The following IGF1R variants were observed in gnomAD, a reference collection of about 807,000 sequenced individuals.
IGF1R encodes insulin-like growth factor 1 receptor.
IGF1R carries 44 observed loss-of-function variants against 144.6 expected under a neutral mutation model. That is an observed-to-expected ratio of 0.30 (90% CI 0.24 to 0.39). The LOEUF (loss-of-function observed/expected upper bound fraction) is 0.39. Ranked by LOEUF, IGF1R falls within the 10% of genes least tolerant of loss-of-function variation. The pLI, the probability that IGF1R is intolerant of heterozygous loss-of-function variation, is 1.00. For synonymous variants in IGF1R, 795 were observed against 722.8 expected (o/e 1.10, Z -1.60); for missense variants, 1,355 against 1,833.7 (o/e 0.74, Z 4.77).
intron 17 of IGF1R, among the ~76,000 whole-genome samples, chr15:98,936,887 G>C (rs2010505): frequency 0.71 from 107,945 of 151,890 alleles, 38,629 homozygotes; most frequent in African/African-American, 0.8. Flanking sequence ...CTGTGTCTCT[G>C]TCACTCTCTT....
intron 2 of IGF1R, among the ~76,000 whole-genome samples, chr15:98,825,990 A>G (rs1285553129): frequency 6.6e-6 from 1 of 152,140 alleles, no homozygotes; most frequent in Non-Finnish European, 1.5e-5. Flanking sequence ...ATACTTTTCA[A>G]TCAGAATGAT....
intron 20 of IGF1R, among the ~76,000 whole-genome samples, chr15:98,954,708 G>GC (rs2016911558): frequency 6.6e-6 from 1 of 152,196 alleles, no homozygotes. Context: ...TTACGCTTCT[G>GC]CCCAGGGGTA....
intron 2 of IGF1R, among the ~76,000 whole-genome samples, chr15:98,803,348 A>G (rs533765784): frequency 6.6e-6 from 1 of 150,438 alleles, no homozygotes; most frequent in Non-Finnish European, 1.5e-5. Context: ...TGTAAAAGAT[A>G]AAAAAATGGT....
chr15:98,677,262 T>C (rs1442583702), intron 1 of IGF1R, among the ~76,000 whole-genome samples: 1 of 152,208 alleles, frequency 6.6e-6, no homozygotes, highest in African/African-American at 2.4e-5. Context: ...AGGTGATTAT[T>C]GGTTGTGTGT....
At chr15:98,847,912 G>C (rs535438865) in intron 2 of IGF1R, among the ~76,000 whole-genome samples, 13 of 152,344 alleles carry the variant, frequency 8.5e-5, no homozygotes, top group African/African-American at 3.1e-4. Context: ...TGATAGGACA[G>C]ACACTCTGCC....
chr15:98,931,193 G>A (rs1200158074), intron 15 of IGF1R, among the ~76,000 whole-genome samples: 4 of 152,252 alleles, frequency 2.6e-5, no homozygotes, highest in East Asian at 1.9e-4. Context: ...GAGGTCCCCC[G>A]GGCAGGCAAG....
Position 98,891,233 on chromosome 15 carries a change from C to A in IGF1R, c.641-92C>A, listed in dbSNP as rs1162469282. On this transcript the variant is annotated intron_variant, in intron 2 of 20. Transcript: ENST00000650285. The surrounding 1 kb of genome is among the most constrained non-coding windows in gnomAD (Gnocchi z 4.7). ...ATGAGTGATCTGGTGCTGGTGGTAGCAGTGAATGACCCAGAAGGATGCTGG... is the reference window on the plus strand; with the variant it reads ...ATGAGTGATCTGGTGCTGGTGGTAGAAGTGAATGACCCAGAAGGATGCTGG... 1 of 1,136,818 alleles carries A rather than the reference C, an allele frequency of 8.8e-7. No individual in the cohort carries two copies. The highest frequency in any genetic ancestry group is 1.3e-6 in the Non-Finnish European group (1 of 775,934). 70.4% of individuals were successfully genotyped at this position (1,136,818 alleles called of 1,614,324 possible). A position where few individuals can be genotyped will look rare whatever the true frequency, so the allele number is the denominator to read the frequency against.
chr15:98,715,641 C>T (rs188627048), intron 2 of IGF1R, among the ~76,000 whole-genome samples: 1 of 152,266 alleles, frequency 6.6e-6, no homozygotes, highest in East Asian at 1.9e-4. Flanking sequence ...AATTGCCTTG[C>T]TCAACTTGCG....
chr15:98,744,907 C>A (rs1417243113), intron 2 of IGF1R, among the ~76,000 whole-genome samples: 2 of 152,090 alleles, frequency 1.3e-5, no homozygotes, highest in African/African-American at 2.4e-5. Flanking sequence ...GGAAACATTC[C>A]CAGAGTCCCT....
At position 98,934,953 on chromosome 15, in the gene IGF1R, G is replaced by A. The variant is rs760360300; in HGVS notation, c.3086G>A (p.Arg1029Lys). 3 of 1,614,176 alleles carry A rather than the reference G, an allele frequency of 1.9e-6. No homozygotes were observed. Among genetic ancestry groups the A allele is most frequent in the Admixed American group, 1.7e-5 (1 of 60,022 alleles). The change falls in exon 16 of 21, where the codon AGA becomes AAA. Residue 1029 changes from arginine to lysine, a missense_variant. By Grantham distance (26) the Arg-to-Lys change is conservative (BLOSUM62 2). This residue lies in a region of IGF1R where 880 missense variants were observed against 1,202.7 expected (regional missense o/e 0.73). Coordinates refer to ENST00000650285, the MANE Select transcript of IGF1R (RefSeq NM_000875.5). ...KGVVKDEPET[R>K]VAIKTVNEAA... The stretch of plus-strand genomic sequence containing the variant: ...GTGGTGAAAGATGAACCTGAAACCA[G>A]AGTGGCCATTAAAACAGTGAACGAG...
intron 5 of IGF1R, among the ~76,000 whole-genome samples, chr15:98,900,020 C>T (rs557179681): frequency 7.6e-4 from 116 of 152,290 alleles, no homozygotes; most frequent in African/African-American, 2.7e-3. Flanking sequence ...TACTCTACTA[C>T]GCACAACTGC....
chr15:98,887,412 T>C (rs28507177), intron 2 of IGF1R, among the ~76,000 whole-genome samples: 13,195 of 144,270 alleles, frequency 0.091, 1,189 homozygotes, highest in African/African-American at 0.23. Flanking sequence ...GACATTTTTC[T>C]GTTCTTTTCA....
At chr15:98,761,850 T>C (rs925286905) in intron 2 of IGF1R, among the ~76,000 whole-genome samples, 1 of 152,238 alleles carries the variant, frequency 6.6e-6, no homozygotes, top group African/African-American at 2.4e-5. Flanking sequence ...GTTGGCCACC[T>C]TTCAAGTGCC....
At chr15:98,907,911 C>T (rs2014811276) in intron 5 of IGF1R, among the ~76,000 whole-genome samples, 1 of 152,248 alleles carries the variant, frequency 6.6e-6, no homozygotes, top group Non-Finnish European at 1.5e-5. Context: ...CAGCAGGGGT[C>T]AGCACCACCT....
At chr15:98,831,374 A>C (rs112587791) in intron 2 of IGF1R, among the ~76,000 whole-genome samples, 2 of 152,238 alleles carry the variant, frequency 1.3e-5, no homozygotes, top group African/African-American at 4.8e-5. Context: ...CTGCTCTAGC[A>C]TGAATATAGC....
intron 6 of IGF1R, 31 bp downstream of exon 6, chr15:98,908,930 C>G: frequency 6.3e-7 from 1 of 1,587,506 alleles, no homozygotes; most frequent in South Asian, 1.1e-5. Flanking sequence ...CACCGTGGGC[C>G]CAACCATCAT....
rs570336362 is a variant in IGF1R, at chr15:98,711,382, G to GT, written c.640+3279dup. Among the ~76,000 whole-genome samples the GT allele has an allele frequency of 4.5e-3, 683 of 152,274 alleles. 5 individuals carry two copies. Among genetic ancestry groups the GT allele is most frequent in the African/African-American group, 0.014 (586 of 41,560 alleles). ...CTCGATTTTGTCGTGCTGTTGCGCG[G>GT]TTTTCACTTGGCACTGTCCTTTAAA... On this transcript the variant is annotated intron_variant, in intron 2 of 20. Transcript: ENST00000650285.
intron 1 of IGF1R, among the ~76,000 whole-genome samples, chr15:98,676,169 C>G (rs2053038288): frequency 6.6e-6 from 1 of 151,984 alleles, no homozygotes; most frequent in Non-Finnish European, 1.5e-5. Flanking sequence ...TAGACAAAGT[C>G]TCACTCTGTT....
intron 13 of IGF1R, among the ~76,000 whole-genome samples, chr15:98,925,747 T>C (rs552058067): frequency 1.9e-4 from 29 of 152,220 alleles, no homozygotes; most frequent in African/African-American, 7.0e-4. Flanking sequence ...CTACTAAAAA[T>C]AAAAAAATTA....
Sources: gnomAD v4.1 joint callset for allele counts (sites outside exome capture counted in the v4.1 genomes callset) on GRCh38, gnomAD v4.1.1 for gene constraint, gnomAD v4.1.1 regional missense constraint, Gnocchi (gnomAD v3.1) non-coding constraint, MANE v1.5 for transcripts, NCBI Gene and HGNC (gene_info 2026-07-23, HGNC 2026-07-21) for gene names.